The following EDN1 variants were observed in gnomAD, a reference collection of about 807,000 sequenced individuals.
EDN1 encodes endothelin 1.
A neutral mutation model predicts 21.7 loss-of-function variants in EDN1; 11 were observed. The observed-to-expected ratio is 0.51, with a 90% CI of 0.32 to 0.84. The LOEUF is 0.84. Ranked by LOEUF, EDN1 falls within the 40% of genes least tolerant of loss-of-function variation. The pLI, the probability that EDN1 is intolerant of heterozygous loss-of-function variation, is 0.03. For synonymous variants in EDN1, 85 were observed against 90.6 expected (o/e 0.94, Z 0.35); for missense variants, 244 against 262.3 (o/e 0.93, Z 0.48).
At chr6:12,261,639 T>C in the EDN1 span, among the ~76,000 whole-genome samples, 1 of 152,244 alleles carries the variant, frequency 6.6e-6, no homozygotes, top group Non-Finnish European at 1.5e-5. Flanking sequence ...AATGCTAAGG[T>C]GCTGAGGAAA....
the EDN1 span, among the ~76,000 whole-genome samples, chr6:12,244,981 A>G: frequency 6.6e-6 from 1 of 152,252 alleles, no homozygotes; most frequent in Admixed American, 6.5e-5. Context: ...AAATGTTACA[A>G]AAGATTGTGA....
chr6:12,281,638 A>G, the EDN1 span, among the ~76,000 whole-genome samples: 1 of 152,234 alleles, frequency 6.6e-6, no homozygotes, highest in Non-Finnish European at 1.5e-5. Context: ...GTCATTATTA[A>G]TAGTTTCACT....
the EDN1 span, among the ~76,000 whole-genome samples, chr6:12,261,080 A>G: frequency 6.6e-6 from 1 of 152,218 alleles, no homozygotes; most frequent in Non-Finnish European, 1.5e-5. Flanking sequence ...TGCAAAGATG[A>G]TAACTGTAAT....
chr6:12,240,479 T>G, the EDN1 span, among the ~76,000 whole-genome samples: 1 of 152,220 alleles, frequency 6.6e-6, no homozygotes. Flanking sequence ...TTATATAAAG[T>G]TTGTCCTGTT....
At chr6:12,253,733 C>T in the EDN1 span, among the ~76,000 whole-genome samples, 407 of 152,242 alleles carry the variant, frequency 2.7e-3, 2 homozygotes, top group Middle Eastern at 0.01. Context: ...CATTCAAAGT[C>T]CATCTTCTTA....
chr6:12,233,351 T>C, the EDN1 span, among the ~76,000 whole-genome samples: 1 of 152,218 alleles, frequency 6.6e-6, no homozygotes, highest in African/African-American at 2.4e-5. Flanking sequence ...CAAGACTGAT[T>C]CACAGAATTC....
At chr6:12,262,084 A>G in the EDN1 span, among the ~76,000 whole-genome samples, 3 of 152,348 alleles carry the variant, frequency 2.0e-5, no homozygotes, top group South Asian at 6.2e-4. Context: ...TGTTTCAACT[A>G]TCTCAGGTAC....
the EDN1 span, among the ~76,000 whole-genome samples, chr6:12,243,469 G>A: frequency 2.4e-4 from 37 of 152,296 alleles, no homozygotes; most frequent in African/African-American, 8.7e-4. Flanking sequence ...GATCTGCACA[G>A]TTCAACCCAT....
the EDN1 span, among the ~76,000 whole-genome samples, chr6:12,256,403 A>C: frequency 5.2e-4 from 79 of 152,074 alleles, no homozygotes; most frequent in African/African-American, 1.8e-3. Context: ...CCTAAAACCC[A>C]AAAAAGACCA....
chr6:12,239,073 G>T, the EDN1 span, among the ~76,000 whole-genome samples: 1 of 152,210 alleles, frequency 6.6e-6, no homozygotes, highest in African/African-American at 2.4e-5. Flanking sequence ...CCCAGTTCCT[G>T]GCACACAGTG....
chr6:12,237,880 G>A, the EDN1 span, among the ~76,000 whole-genome samples: 1 of 152,128 alleles, frequency 6.6e-6, no homozygotes, highest in Non-Finnish European at 1.5e-5. Flanking sequence ...CCTTAAAAAA[G>A]GAAAACCCAG....
the EDN1 span, among the ~76,000 whole-genome samples, chr6:12,261,321 C>T: frequency 3.3e-5 from 5 of 152,334 alleles, no homozygotes; most frequent in East Asian, 7.7e-4. Flanking sequence ...ACAGAGTCTG[C>T]TTTCAAAGGA....
chr6:12,291,576 G>A (rs1409824074), intron 1 of EDN1, among the ~76,000 whole-genome samples: 1 of 152,188 alleles, frequency 6.6e-6, no homozygotes, highest in Admixed American at 6.5e-5. Flanking sequence ...AAGCTGCATG[G>A]CTAAATTGTT....
chr6:12,294,679 T>A (rs1230973435), intron 4 of EDN1, among the ~76,000 whole-genome samples: 4 of 152,170 alleles, frequency 2.6e-5, no homozygotes, highest in Non-Finnish European at 5.9e-5. Context: ...CCAAAATATA[T>A]CCAGAGATGC....
chr6:12,246,797 T>C, the EDN1 span, among the ~76,000 whole-genome samples: 2 of 152,058 alleles, frequency 1.3e-5, no homozygotes, highest in African/African-American at 2.4e-5. Context: ...CCAGTAACAC[T>C]CTCATCCGTT....
At chr6:12,239,981 G>C in the EDN1 span, among the ~76,000 whole-genome samples, 1 of 152,228 alleles carries the variant, frequency 6.6e-6, no homozygotes, top group African/African-American at 2.4e-5. Context: ...GAGTGAGAGA[G>C]AGGATTTGGT....
chr6:12,291,938 T>C (rs932452286), intron 1 of EDN1, among the ~76,000 whole-genome samples: 5 of 152,232 alleles, frequency 3.3e-5, no homozygotes, highest in Non-Finnish European at 7.3e-5. Context: ...ATTTCTTGTC[T>C]TTAGTCATGT....
chr6:12,287,076 C>T (rs967162329), upstream of EDN1, among the ~76,000 whole-genome samples: 16 of 151,712 alleles, frequency 1.1e-4, no homozygotes, highest in African/African-American at 3.9e-4. Context: ...ATAACTGCAC[C>T]ACTGCACTCC....
At position 12,292,500 on chromosome 6, in the gene EDN1, A is replaced by C; in HGVS notation, c.224A>C (p.Asn75Thr). The change falls in exon 2 of 5, where the codon AAC becomes ACC. Residue 75 changes from asparagine (N) to threonine (T), a missense_variant. Physicochemically the swap from Asn to Thr is moderately conservative, Grantham distance 65. Transcript: ENST00000379375. ...YFCHLDIIWV[N>T]TPEHVVPYGL... Reference sequence around the variant, plus strand: ...TGCCACCTGGACATCATTTGGGTCAACACTCCCGAGTAAGTCTCTAGAGGG... The same window carrying C: ...TGCCACCTGGACATCATTTGGGTCACCACTCCCGAGTAAGTCTCTAGAGGG... 6.2e-7 allele frequency: 1 copy of C among 1,614,228 alleles called. No individual in the cohort carries two copies. The highest frequency in any genetic ancestry group is 8.5e-7 in the Non-Finnish European group (1 of 1,180,032).
Sources: gnomAD v4.1 joint callset for allele counts (sites outside exome capture counted in the v4.1 genomes callset) on GRCh38, gnomAD v4.1.1 for gene constraint, MANE v1.5 for transcripts, NCBI Gene and HGNC (gene_info 2026-07-23, HGNC 2026-07-21) for gene names.